STXBP5L: variants seen among roughly 807,000 people sequenced by gnomAD.
The protein encoded by STXBP5L is syntaxin binding protein 5L.
A neutral mutation model predicts 144.5 loss-of-function variants in STXBP5L; 65 were observed. The ratio of observed to expected loss-of-function variants is 0.45; its 90% CI spans 0.37 to 0.55. The LOEUF (loss-of-function observed/expected upper bound fraction) is 0.55, where lower values mean the gene tolerates loss of function less well. STXBP5L is among the 20% of genes least tolerant of loss of function. STXBP5L has a pLI of 0.00. For missense variants in STXBP5L, 1,298 were observed against 1,405.5 expected, an observed-to-expected ratio of 0.92 and a Z score of 1.22; for synonymous variants, 505 against 469.6, an observed-to-expected ratio of 1.08 and a Z score of -0.97.
intron 3 of STXBP5L, among the ~76,000 whole-genome samples, chr3:120,976,851 G>C (rs556229237): frequency 6.6e-6 from 1 of 151,990 alleles, no homozygotes; most frequent in Non-Finnish European, 1.5e-5. Context: ...GTAGTTGAGC[G>C]GTTTTGAGTG....
intron 9 of STXBP5L, among the ~76,000 whole-genome samples, chr3:121,179,168 G>A (rs1419828309): frequency 6.6e-6 from 1 of 151,804 alleles, no homozygotes; most frequent in African/African-American, 2.4e-5. Flanking sequence ...TAAATAAATT[G>A]TACACCATGA....
intron 9 of STXBP5L, among the ~76,000 whole-genome samples, chr3:121,174,463 A>T (rs757068867): frequency 2.6e-5 from 4 of 152,116 alleles, no homozygotes; most frequent in Non-Finnish European, 5.9e-5. Context: ...AAGTTTGTGC[A>T]TAAGTTGGCC....
intron 7 of STXBP5L, among the ~76,000 whole-genome samples, chr3:121,134,576 C>T (rs111900913): frequency 2.0e-5 from 3 of 151,786 alleles, no homozygotes; most frequent in Non-Finnish European, 4.4e-5. Context: ...CCATAACAGG[C>T]CCTGGTGTGT....
At chr3:121,070,874 A>T (rs2041780193) in intron 5 of STXBP5L, among the ~76,000 whole-genome samples, 1 of 152,252 alleles carries the variant, frequency 6.6e-6, no homozygotes, top group South Asian at 2.1e-4. Context: ...GGGTTGGTAT[A>T]TAATGGCATT....
intron 20 of STXBP5L, among the ~76,000 whole-genome samples, chr3:121,326,692 A>G (rs2108548690): frequency 6.6e-6 from 1 of 152,158 alleles, no homozygotes; most frequent in Middle Eastern, 3.4e-3. Flanking sequence ...CACTTTCTAC[A>G]GTTATAACTT....
chr3:121,256,461 CT>C (rs578012409), intron 16 of STXBP5L, among the ~76,000 whole-genome samples: 2 of 151,732 alleles, frequency 1.3e-5, no homozygotes, highest in African/African-American at 2.4e-5. Context: ...AGTTTTAAAA[CT>C]TTTTTAGTTT....
rs527242873 is a variant in STXBP5L, at chr3:120,958,695, A to C, written c.287+3658A>C. On this transcript the variant is annotated intron_variant, in intron 3 of 26. Transcript: ENST00000471454. ...TAGATGCAGAAAAGGCCTTTGACAA[A>C]ATTCAACAGCCCTTCATGCTAAAAA... 1.2e-4 allele frequency among the ~76,000 whole-genome samples: 19 copies of C among 152,316 alleles called. No homozygotes were observed. The East Asian group carries it at 1.5e-3, about 12-fold the overall frequency.
chr3:120,926,870 TTC>T (rs934734227), intron 2 of STXBP5L, among the ~76,000 whole-genome samples: 31 of 152,232 alleles, frequency 2.0e-4, no homozygotes, highest in Middle Eastern at 3.4e-3. Flanking sequence ...GTTCCAAAAT[TTC>T]TGTTTGATTT....
intron 3 of STXBP5L, among the ~76,000 whole-genome samples, chr3:120,968,852 A>G (rs1939904196): frequency 6.6e-6 from 1 of 152,124 alleles, no homozygotes; most frequent in Non-Finnish European, 1.5e-5. Context: ...CTCCCGCTCC[A>G]TCTAAGTTCC....
At chr3:120,975,528 C>T (rs1220516927) in intron 3 of STXBP5L, among the ~76,000 whole-genome samples, 2 of 152,032 alleles carry the variant, frequency 1.3e-5, no homozygotes, top group East Asian at 1.9e-4. Flanking sequence ...AATTGAATAC[C>T]CTTTATTTCC....
intron 5 of STXBP5L, among the ~76,000 whole-genome samples, chr3:121,096,428 A>G (rs2043132506): frequency 6.6e-6 from 1 of 152,030 alleles, no homozygotes; most frequent in Non-Finnish European, 1.5e-5. Context: ...TTTCGTGGAG[A>G]AGAGGTGTTC....
At chr3:121,092,592 G>T (rs2042873121) in intron 5 of STXBP5L, among the ~76,000 whole-genome samples, 1 of 152,140 alleles carries the variant, frequency 6.6e-6, no homozygotes, top group African/African-American at 2.4e-5. Context: ...TGGTGTATAA[G>T]AATGCTTGTG....
chr3:121,009,516 G>T (rs1322944503), intron 3 of STXBP5L, among the ~76,000 whole-genome samples: 3 of 151,910 alleles, frequency 2.0e-5, no homozygotes, highest in Non-Finnish European at 2.9e-5. Context: ...ATCTGAATGT[G>T]GTAGCAGTTC....
At chr3:121,364,739 T>G (rs1170010909) in intron 20 of STXBP5L, among the ~76,000 whole-genome samples, 3 of 152,028 alleles carry the variant, frequency 2.0e-5, no homozygotes, top group Non-Finnish European at 4.4e-5. Context: ...TATAATTTCC[T>G]TTGCCGATTG....
At chr3:120,913,495 T>C (rs955988419) in intron 2 of STXBP5L, among the ~76,000 whole-genome samples, 15 of 152,076 alleles carry the variant, frequency 9.9e-5, no homozygotes, top group Admixed American at 3.3e-4. Flanking sequence ...TTGAAAAAGA[T>C]ATTAAAGCAG....
At chr3:121,104,643 G>A (rs1576968914) in intron 5 of STXBP5L, among the ~76,000 whole-genome samples, 2 of 152,204 alleles carry the variant, frequency 1.3e-5, no homozygotes, top group Non-Finnish European at 2.9e-5. Flanking sequence ...AACATAAAGT[G>A]GGAAAGAACA....
At chr3:121,004,270 C>G (rs1944061253) in intron 3 of STXBP5L, among the ~76,000 whole-genome samples, 1 of 151,530 alleles carries the variant, frequency 6.6e-6, no homozygotes, top group Non-Finnish European at 1.5e-5. Context: ...CTTCACATCC[C>G]TTGTAAGTTG....
chr3:121,349,906 T>C (rs1290680177), intron 20 of STXBP5L, among the ~76,000 whole-genome samples: 1 of 152,166 alleles, frequency 6.6e-6, no homozygotes, highest in East Asian at 1.9e-4. Flanking sequence ...TCTTGACTCT[T>C]TATCCAATTT....
At chr3:121,265,607 G>T (rs1223435762) in intron 18 of STXBP5L, among the ~76,000 whole-genome samples, 3 of 152,104 alleles carry the variant, frequency 2.0e-5, no homozygotes, top group Non-Finnish European at 4.4e-5. Flanking sequence ...CAGAAGAAAA[G>T]AAATAACTAA....
Sources: gnomAD v4.1 joint callset for allele counts (sites outside exome capture counted in the v4.1 genomes callset) on GRCh38, gnomAD v4.1.1 for gene constraint, MANE v1.5 for transcripts, NCBI Gene and HGNC (gene_info 2026-07-23, HGNC 2026-07-21) for gene names.